The following CHRM5 variants were observed in gnomAD, a reference collection of about 807,000 sequenced individuals.
CHRM5 encodes muscarinic acetylcholine receptor M5.
A neutral mutation model predicts 39.0 loss-of-function variants in CHRM5; 18 were observed. The observed-to-expected ratio is 0.46, with a 90% CI of 0.32 to 0.68. The LOEUF (loss-of-function observed/expected upper bound fraction) is 0.68, where lower values mean the gene tolerates loss of function less well. CHRM5 is among the 30% of genes least tolerant of loss of function. The pLI, the probability that CHRM5 is intolerant of heterozygous loss-of-function variation, is 0.04. For missense variants in CHRM5, 515 were observed against 651.1 expected, an observed-to-expected ratio of 0.79 and a Z score of 2.28; for synonymous variants, 241 against 246.3, an observed-to-expected ratio of 0.98 and a Z score of 0.20.
At chr15:34,060,960 G>A (rs1405215010) in intron 2 of CHRM5, among the ~76,000 whole-genome samples, 1 of 151,314 alleles carries the variant, frequency 6.6e-6, no homozygotes, top group Non-Finnish European at 1.5e-5. Context: ...AGCTTGCAGT[G>A]AGCCGAGATA....
At chr15:33,994,957 T>A (rs933259647) in intron 1 of CHRM5, among the ~76,000 whole-genome samples, 6 of 152,104 alleles carry the variant, frequency 3.9e-5, no homozygotes, top group East Asian at 1.9e-4. Context: ...AAATATTTTT[T>A]AAAAATAAAA....
chr15:34,052,349 A>G (rs1899953963), intron 2 of CHRM5, among the ~76,000 whole-genome samples: 1 of 152,174 alleles, frequency 6.6e-6, no homozygotes, highest in Admixed American at 6.5e-5. Context: ...ACATACCACA[A>G]AATAATAAAA....
In CHRM5 at chr15:34,029,938, G is replaced by A. The variant is rs552019932; in HGVS notation, c.-407-16602G>A. Among the ~76,000 whole-genome samples, 404 of 152,258 alleles carry A rather than the reference G, an allele frequency of 2.7e-3. 4 individuals carry two copies. Among genetic ancestry groups the A allele is most frequent in the African/African-American group, 9.4e-3 (389 of 41,536 alleles). On this transcript the variant is annotated intron_variant, in intron 1 of 2. Transcript: ENST00000383263. ...TCATGAATCCAGCTCACTAGAATGTGAACTCTAGATTCACAATAGAACTAT... is the reference window on the plus strand; with the variant it reads ...TCATGAATCCAGCTCACTAGAATGTAAACTCTAGATTCACAATAGAACTAT...
At chr15:34,012,939 A>T (rs576331102) in intron 1 of CHRM5, among the ~76,000 whole-genome samples, 11 of 152,182 alleles carry the variant, frequency 7.2e-5, no homozygotes, top group African/African-American at 2.2e-4. Flanking sequence ...TTTCTTAATC[A>T]TTGTCATGGT....
intron 1 of CHRM5, among the ~76,000 whole-genome samples, chr15:34,040,986 T>C (rs1899451568): frequency 6.6e-6 from 1 of 152,024 alleles, no homozygotes; most frequent in Admixed American, 6.6e-5. Flanking sequence ...AAGAATATGG[T>C]TAAATATCTA....
rs1390750425 is a variant in CHRM5, at chr15:33,968,840, A to G, written c.-718A>G. 1 of 152,122 alleles carries G rather than the reference A, an allele frequency of 6.6e-6. No individual in the cohort carries two copies. Among genetic ancestry groups the G allele is most frequent in the Non-Finnish European group, 1.5e-5 (1 of 67,972 alleles). 9.4% of individuals were successfully genotyped at this position (152,122 alleles called of 1,614,324 possible). A position where few individuals can be genotyped will look rare whatever the true frequency, so the allele number is the denominator to read the frequency against. On this transcript the variant is annotated 5_prime_UTR_variant, in exon 1 of 3. Coordinates refer to ENST00000383263, the MANE Select transcript of CHRM5 (RefSeq NM_012125.4). ...AACAACCAGGATTTCTCATTGCTGA[A>G]GCATTCAATGAATCTTTAATAAGTT...
At chr15:34,053,692 A>G (rs374910276) in intron 2 of CHRM5, among the ~76,000 whole-genome samples, 1 of 152,304 alleles carries the variant, frequency 6.6e-6, no homozygotes, top group South Asian at 2.1e-4. Flanking sequence ...GATGAATTAA[A>G]GATTTAAATG....
At chr15:34,027,915 T>G (rs2140746559) in intron 1 of CHRM5, among the ~76,000 whole-genome samples, 1 of 151,856 alleles carries the variant, frequency 6.6e-6, no homozygotes, top group Admixed American at 6.5e-5. Context: ...TTGACATTAC[T>G]GGGAATCTGG....
chr15:34,001,748 T>C (rs1897146555), intron 1 of CHRM5, among the ~76,000 whole-genome samples: 1 of 152,198 alleles, frequency 6.6e-6, no homozygotes, highest in Non-Finnish European at 1.5e-5. Context: ...AATTTTATGA[T>C]CTACTTCTTT....
At position 34,032,703 on chromosome 15, in the gene CHRM5, CG is replaced by C. The variant is rs531814586; in HGVS notation, c.-407-13835del. On this transcript the variant is annotated intron_variant, in intron 1 of 2. Transcript: ENST00000383263. ...TCAACTTCCAGATATTCAAGATCCA[CG>C]GTCTTTCCCAAAAGCAGTCTACCCT... 1.3e-3 allele frequency among the ~76,000 whole-genome samples: 202 copies of C among 152,294 alleles called. 1 individual carries two copies. Among genetic ancestry groups the C allele is most frequent in the Non-Finnish European group, 2.2e-3 (150 of 68,034 alleles).
chr15:34,064,977 C>T lies in CHRM5; in HGVS notation c.*661C>T, dbSNP rs1597397089. On this transcript the variant is annotated 3_prime_UTR_variant, in exon 3 of 3. Transcript: ENST00000383263. ...TACTCACTGAACCCATGCTGATCTC[C>T]AGGGAACCATCCTTCCTCTCAGAAT... The T allele has an allele frequency of 6.0e-6, 1 of 167,140 alleles. No individual in the cohort carries two copies. The highest frequency in any genetic ancestry group is 1.9e-4 in the East Asian group (1 of 5,196). 10.4% of individuals were successfully genotyped at this position (167,140 alleles called of 1,614,324 possible).
chr15:34,057,052 G>A (rs977027452), intron 2 of CHRM5, among the ~76,000 whole-genome samples: 1 of 151,984 alleles, frequency 6.6e-6, no homozygotes, highest in African/African-American at 2.4e-5. Flanking sequence ...GTTTGTGGTC[G>A]TGAAAATATT....
chr15:33,988,096 C>T (rs1197005258), intron 1 of CHRM5, among the ~76,000 whole-genome samples: 1 of 152,220 alleles, frequency 6.6e-6, no homozygotes, highest in Admixed American at 6.5e-5. Flanking sequence ...GGGCTTCTGT[C>T]CAGGTGCCTG....
intron 1 of CHRM5, chr15:33,990,737 T>A (rs886922300): frequency 6.6e-6 from 1 of 152,204 alleles, no homozygotes. Context: ...GACCGAAACC[T>A]ACCACCATCA....
chr15:34,033,461 G>A (rs1169559630), intron 1 of CHRM5, among the ~76,000 whole-genome samples: 6 of 151,188 alleles, frequency 4.0e-5, no homozygotes, highest in Admixed American at 2.0e-4. Context: ...AGCCGAGATC[G>A]TGCCACTGCA....
At chr15:34,028,576 A>G (rs1872806) in intron 1 of CHRM5, among the ~76,000 whole-genome samples, 97,639 of 152,122 alleles carry the variant, frequency 0.64, 36,685 homozygotes, top group Non-Finnish European at 0.85. Flanking sequence ...AAAACAAACA[A>G]CAACAACAAC....
chr15:34,003,107 T>C, intron 1 of CHRM5: 1 of 1,614,008 alleles, frequency 6.2e-7, no homozygotes, highest in East Asian at 2.2e-5. Context: ...TCTTTTTCAA[T>C]ATCTTGATAT....
intron 1 of CHRM5, among the ~76,000 whole-genome samples, chr15:34,019,475 G>A (rs1230432101): frequency 6.6e-6 from 1 of 152,168 alleles, no homozygotes; most frequent in Admixed American, 6.5e-5. Context: ...TAAGTGTACA[G>A]TGTTTATAAA....
At chr15:33,980,982 T>C (rs1482209701) in intron 1 of CHRM5, among the ~76,000 whole-genome samples, 1 of 152,172 alleles carries the variant, frequency 6.6e-6, no homozygotes, top group African/African-American at 2.4e-5. Flanking sequence ...AGTAAAAACT[T>C]TCTCACTTTA....
Sources: gnomAD v4.1 joint callset for allele counts (sites outside exome capture counted in the v4.1 genomes callset) on GRCh38, gnomAD v4.1.1 for gene constraint, MANE v1.5 for transcripts, NCBI Gene and HGNC (gene_info 2026-07-23, HGNC 2026-07-21) for gene names.